TRIM67: variants seen among roughly 807,000 people sequenced by gnomAD.
TRIM67 encodes tripartite motif-containing protein 67.
Under a neutral mutation model 71.0 loss-of-function variants are expected in TRIM67, and 39 were observed. The observed-to-expected ratio is 0.55, with a 90% CI of 0.43 to 0.72. The LOEUF is 0.72. Among genes scored for constraint, TRIM67 ranks in the 30% least tolerant of loss-of-function variants. The probability of loss-of-function intolerance (pLI) is 0.00; values close to 1 mark genes in which losing one functional copy is unlikely to be tolerated. For missense variants in TRIM67, 973 were observed against 1,079.2 expected, an observed-to-expected ratio of 0.90 and a Z score of 1.38; for synonymous variants, 481 against 473.9, an observed-to-expected ratio of 1.01 and a Z score of -0.19.
At chr1:231,174,321 G>A (rs1682690483) in intron 1 of TRIM67, among the ~76,000 whole-genome samples, 1 of 150,868 alleles carries the variant, frequency 6.6e-6, no homozygotes, top group African/African-American at 2.4e-5. Flanking sequence ...ATCATGCCTA[G>A]CAAATTTGCT....
At chr1:231,169,290 A>C (rs1262641380) in intron 1 of TRIM67, among the ~76,000 whole-genome samples, 1 of 150,782 alleles carries the variant, frequency 6.6e-6, no homozygotes, top group African/African-American at 2.4e-5. Context: ...CCAGACCTCA[A>C]GTGATCTGTC....
At chr1:231,169,613 A>T (rs575015347) in intron 1 of TRIM67, among the ~76,000 whole-genome samples, 9 of 151,662 alleles carry the variant, frequency 5.9e-5, no homozygotes, top group Admixed American at 6.6e-5. Context: ...TCCTGACCCC[A>T]GGTGATCCAC....
chr1:231,210,731 A>G (rs1183314902), intron 8 of TRIM67, among the ~76,000 whole-genome samples: 4 of 151,840 alleles, frequency 2.6e-5, no homozygotes, highest in Non-Finnish European at 5.9e-5. Context: ...TATTGTTGCC[A>G]TTTTACAGAT....
At chr1:231,165,148 G>A (rs956304148) in intron 1 of TRIM67, among the ~76,000 whole-genome samples, 2 of 152,168 alleles carry the variant, frequency 1.3e-5, no homozygotes, top group African/African-American at 4.8e-5. Context: ...CCTAGAAGGT[G>A]CCACTGGAAT....
rs1224363741 is a variant in TRIM67, at chr1:231,218,286, A to G, written c.*2846A>G. On this transcript the variant is annotated 3_prime_UTR_variant, in exon 10 of 10. Transcript: ENST00000366653. ...GCACATTTGTACATACATATAAATG[A>G]TATCAAGATGAGGCTTTTGTTGGGC... The G allele has an allele frequency of 1.0e-6, 1 of 987,140 alleles. No individual in the cohort carries two copies. The highest frequency in any genetic ancestry group is 1.1e-4 in the East Asian group (1 of 8,904). 61.1% of individuals were successfully genotyped at this position (987,140 alleles called of 1,614,324 possible).
At chr1:231,183,832 G>C (rs1682976158) in intron 1 of TRIM67, among the ~76,000 whole-genome samples, 1 of 152,184 alleles carries the variant, frequency 6.6e-6, no homozygotes, top group Admixed American at 6.5e-5. Flanking sequence ...TGAGGAAAAT[G>C]AGGGCAGGGA....
chr1:231,184,930 C>A (rs1024516339), intron 1 of TRIM67: 8 of 1,245,914 alleles, frequency 6.4e-6, no homozygotes, highest in Non-Finnish European at 7.8e-6. Flanking sequence ...GAATTCAGGG[C>A]CCAACCCTGA....
chr1:231,163,705 G>T lies in TRIM67; in HGVS notation c.736G>T (p.Ala246Ser), dbSNP rs761479127. 4 of 1,506,272 alleles carry T rather than the reference G, an allele frequency of 2.7e-6. No homozygotes were observed. The highest frequency in any genetic ancestry group is 2.8e-5 in the East Asian group (1 of 35,588). The allele number at this position is 1,506,272 out of a possible 1,614,324, so 93.3% of individuals were successfully genotyped here. A position where few individuals can be genotyped will look rare whatever the true frequency, so the allele number is the denominator to read the frequency against. The part of the protein sequence containing the change: ...LKCHPSRGPF[A>S]KHRLVQPPPP... ...GTGCCATCCATCCCGGGGACCCTTC[G>T]CCAAGCATCGCCTGGTGCAGCCGCC... Residue 246 changes from alanine to serine, a missense_variant, in exon 1 of 10, where the codon GCC becomes TCC. By Grantham distance (99) the Ala-to-Ser change is moderately conservative (BLOSUM62 1). Transcript: ENST00000366653.
At position 231,201,484 on chromosome 1, in the gene TRIM67, C is replaced by T; in HGVS notation, c.1501C>T (p.His501Tyr). The change falls in exon 5 of 10, where the codon CAC (histidine) becomes TAC (tyrosine). Residue 501 changes from histidine to tyrosine, a missense_variant. Physicochemically the swap from His to Tyr is moderately conservative, Grantham distance 83. This residue lies in a region of TRIM67 where 795 missense variants were observed against 831.3 expected (regional missense o/e 0.96). Transcript: ENST00000366653. ...CAGCGAGCCGCTGCTGCAGGCCATC[C>T]ACCAGCTGGACTTCATTCAGATGAA... ...LDSEPLLQAI[H>Y]QLDFIQMKCR... The T allele has an allele frequency of 6.2e-7, 1 of 1,613,958 alleles. No individual in the cohort carries two copies. The highest frequency in any genetic ancestry group is 8.5e-7 in the Non-Finnish European group (1 of 1,179,882).
chr1:231,166,398 C>A (rs1173464464), intron 1 of TRIM67, among the ~76,000 whole-genome samples: 1 of 152,228 alleles, frequency 6.6e-6, no homozygotes, highest in South Asian at 2.1e-4. Context: ...CTTGGTCAAA[C>A]ACTGTTGGTC....
At chr1:231,196,529 T>C (rs183420683) in intron 1 of TRIM67, among the ~76,000 whole-genome samples, 34 of 151,748 alleles carry the variant, frequency 2.2e-4, no homozygotes, top group African/African-American at 6.5e-4. Context: ...TGAGTCATGA[T>C]TGAGCCACTG....
intron 3 of TRIM67, 86 bp from the exon 4 acceptor site, chr1:231,200,062 A>T: frequency 9.9e-7 from 1 of 1,007,452 alleles, no homozygotes; most frequent in African/African-American, 1.6e-5. Context: ...TCCAGGCTGT[A>T]TTGGCACTAG....
Position 231,219,637 on chromosome 1 carries a change from T to C in TRIM67, c.*4197T>C, listed in dbSNP as rs1037557906. Reference sequence around the variant, plus strand: ...AAAGCAAAACTCGTTACCTTTGTTTTCCTTGGCCACATTTTACTGGAAGCA... The same window carrying C: ...AAAGCAAAACTCGTTACCTTTGTTTCCCTTGGCCACATTTTACTGGAAGCA... On this transcript the variant is annotated 3_prime_UTR_variant, in exon 10 of 10. Transcript: ENST00000366653. 1 of 1,150,742 alleles carries C rather than the reference T, an allele frequency of 8.7e-7. No homozygotes were observed. Among genetic ancestry groups the C allele is most frequent in the Non-Finnish European group, 1.1e-6 (1 of 924,382 alleles). 71.3% of individuals were successfully genotyped at this position (1,150,742 alleles called of 1,614,324 possible). A position where few individuals can be genotyped will look rare whatever the true frequency, so the allele number is the denominator to read the frequency against.
chr1:231,208,491 T>C (rs1174541725), intron 7 of TRIM67, among the ~76,000 whole-genome samples: 1 of 151,910 alleles, frequency 6.6e-6, no homozygotes, highest in African/African-American at 2.4e-5. Context: ...TTTGTATTTT[T>C]AGTAGAGACG....
In TRIM67 at chr1:231,217,589, GA is replaced by G. The variant is rs11443571; in HGVS notation, c.*2158del. On this transcript the variant is annotated 3_prime_UTR_variant, in exon 10 of 10. Coordinates refer to ENST00000366653, the MANE Select transcript of TRIM67 (RefSeq NM_001004342.5). ...TTTGGGAAGTGTCTAGCTCTCTTCT[GA>G]AAAAAAAACAGGCCTACACCCTGCC... is the stretch of plus-strand genomic sequence containing the variant. The G allele has an allele frequency of 5.1e-5, 52 of 1,026,634 alleles. No individual in the cohort carries two copies. Among genetic ancestry groups the G allele is most frequent in the East Asian group, 1.6e-4 (2 of 12,786 alleles). The allele number at this position is 1,026,634 out of a possible 1,614,324, so 63.6% of individuals were successfully genotyped here. A position where few individuals can be genotyped will look rare whatever the true frequency, so the allele number is the denominator to read the frequency against.
intron 1 of TRIM67, among the ~76,000 whole-genome samples, chr1:231,173,773 G>C (rs1363133213): frequency 6.6e-6 from 1 of 152,192 alleles, no homozygotes; most frequent in Non-Finnish European, 1.5e-5. Flanking sequence ...TTCTAAAAGA[G>C]CTCTCTGACG....
rs573376124 is a variant in TRIM67 at position 231,174,885 on chromosome 1, G to A, written c.1044+10872G>A. Among the ~76,000 whole-genome samples, 9 of 152,282 alleles carry A rather than the reference G, an allele frequency of 5.9e-5. No individual in the cohort carries two copies. The East Asian group carries it at 1.7e-3, about 29-fold the overall frequency. ...AATGCATAAATAAACAAAATAAGTA[G>A]TCTACTTGAATACAACCAAAGAGAG... On this transcript the variant is annotated intron_variant, in intron 1 of 9. Coordinates refer to ENST00000366653, the MANE Select transcript of TRIM67 (RefSeq NM_001004342.5).
chr1:231,197,119 A>C (rs1683385354), intron 1 of TRIM67, among the ~76,000 whole-genome samples: 1 of 152,250 alleles, frequency 6.6e-6, no homozygotes, highest in South Asian at 2.1e-4. Flanking sequence ...TCAACCCGTT[A>C]GCTGAGTGCT....
rs1024300142 is a variant in TRIM67, at chr1:231,162,895, G to A, written c.-75G>A. 1.3e-6 allele frequency: 2 copies of A among 1,544,464 alleles called. No individual in the cohort carries two copies. Among genetic ancestry groups the A allele is most frequent in the Non-Finnish European group, 1.7e-6 (2 of 1,150,600 alleles). ...TCGTCTCACCGGGGCGCACCGCGCT[G>A]GTCCTCCTCCGCCAGTCTCCCGAGC... On this transcript the variant is annotated 5_prime_UTR_variant, in exon 1 of 10. Transcript: ENST00000366653.
Sources: gnomAD v4.1 joint callset for allele counts (sites outside exome capture counted in the v4.1 genomes callset) on GRCh38, gnomAD v4.1.1 for gene constraint, gnomAD v4.1.1 regional missense constraint, MANE v1.5 for transcripts, NCBI Gene and HGNC (gene_info 2026-07-23, HGNC 2026-07-21) for gene names.